GPSM2: variants seen among roughly 807,000 people sequenced by gnomAD.
GPSM2 encodes G protein-signaling modulator 2.
Under a neutral mutation model 78.4 loss-of-function variants are expected in GPSM2, and 58 were observed. The observed-to-expected ratio is 0.74, with a 90% confidence interval of 0.60 to 0.92. The LOEUF (loss-of-function observed/expected upper bound fraction) is 0.92. GPSM2 is among the 40% of genes least tolerant of loss of function. The pLI, the probability that GPSM2 is intolerant of heterozygous loss-of-function variation, is 0.00. For synonymous variants in GPSM2, 224 were observed against 280.2 expected (o/e 0.80, Z 2.00); for missense variants, 700 against 815.5 (o/e 0.86, Z 1.73).
At chr1:108,916,402 G>A (rs1175602060) in intron 11 of GPSM2, among the ~76,000 whole-genome samples, 2 of 152,162 alleles carry the variant, frequency 1.3e-5, no homozygotes, top group Non-Finnish European at 2.9e-5. Context: ...AATTGTGTGA[G>A]AATCATATCC....
intron 11 of GPSM2, among the ~76,000 whole-genome samples, chr1:108,917,305 C>T (rs575981325): frequency 3.9e-5 from 6 of 152,036 alleles, no homozygotes; most frequent in South Asian, 2.1e-4. Context: ...CAGTGGCTCA[C>T]GCCTGTAATC....
rs1652369256 is a variant in GPSM2 at position 108,933,632 on chromosome 1, T to TCAAAACACA, written c.*3692_*3693insCAAAACACA. On this transcript the variant is annotated 3_prime_UTR_variant, in exon 15 of 15. Transcript: ENST00000264126. ...ACATAACTTGTAGTGTGAATATGGT[T>TCAAAACACA]AAAACAAAGGACACCTGATGTCTGT... 1 of 152,246 alleles carries TCAAAACACA rather than the reference T, an allele frequency of 6.6e-6. No individual in the cohort carries two copies. Among genetic ancestry groups the TCAAAACACA allele is most frequent in the Non-Finnish European group, 1.5e-5 (1 of 68,036 alleles). The allele number at this position is 152,246 out of a possible 1,614,324, so 9.4% of individuals were successfully genotyped here.
Position 108,923,954 on chromosome 1 carries a change from GT to G in GPSM2, c.1601-40del, listed in dbSNP as rs368647555. 1.4e-4 allele frequency: 201 copies of G among 1,424,126 alleles called. 1 individual carries two copies. In the African/African-American group the frequency reaches 2.6e-3, roughly 19 times the overall value. 88.2% of individuals were successfully genotyped at this position (1,424,126 alleles called of 1,614,324 possible). On this transcript the variant is annotated intron_variant, in intron 13 of 14. Coordinates refer to ENST00000264126, the MANE Select transcript of GPSM2 (RefSeq NM_013296.5). ...ATGTGCCTAGGTTTTTTTGTTTTTT[GT>G]TTTTTGTTTTTTTTTAATCTTTGGC...
At chr1:108,916,086 A>AG (rs988987484) in intron 11 of GPSM2, among the ~76,000 whole-genome samples, 11 of 151,306 alleles carry the variant, frequency 7.3e-5, no homozygotes, top group Non-Finnish European at 1.3e-4. Context: ...TACAAAAAAA[A>AG]AAAAAAAAGA....
At chr1:108,929,433 C>T (rs1366458402) in intron 14 of GPSM2, 1 of 469,442 alleles carries the variant, frequency 2.1e-6, no homozygotes, top group Non-Finnish European at 3.8e-6. Flanking sequence ...TATGACTTAA[C>T]ATAATGCACG....
rs1650775367 is a variant in GPSM2, at chr1:108,922,348, A to G, written c.1441-69A>G. ...ACCTTTTGCATTTGAATGCATCATG[A>G]TGTTCATTGATGATCTAAAGATAAT... is the stretch of plus-strand genomic sequence containing the variant. On this transcript the variant is annotated intron_variant, in intron 12 of 14. Transcript: ENST00000264126. 6.3e-5 allele frequency: 69 copies of G among 1,102,736 alleles called. No homozygotes were observed. The South Asian group carries it at 8.7e-4, about 14-fold the overall frequency. The allele number at this position is 1,102,736 out of a possible 1,614,324, so 68.3% of individuals were successfully genotyped here.
intron 10 of GPSM2, among the ~76,000 whole-genome samples, chr1:108,910,410 T>C (rs1478309113): frequency 6.6e-6 from 1 of 152,172 alleles, no homozygotes; most frequent in Non-Finnish European, 1.5e-5. Flanking sequence ...ACTGAATAAG[T>C]GGACATACTT....
intron 10 of GPSM2, among the ~76,000 whole-genome samples, 156 bp from the exon 11 acceptor site, chr1:108,914,182 G>C (rs958757694): frequency 1.3e-5 from 2 of 152,154 alleles, no homozygotes; most frequent in Admixed American, 6.6e-5. Context: ...AGCTGGTATA[G>C]AAAATTATTA....
chr1:108,927,069 G>T (rs1369790844), intron 14 of GPSM2, among the ~76,000 whole-genome samples: 2 of 152,038 alleles, frequency 1.3e-5, no homozygotes, highest in African/African-American at 4.8e-5. Context: ...GCATCAAAAA[G>T]AATAAAATAC....
In GPSM2 at chr1:108,934,224, G is replaced by A. The variant is rs565343009; in HGVS notation, c.*4284G>A. ...TGTCAGTCAGACTGATCCTGGTAAC[G>A]ATACTCCATGGCTGCATGAAGATGC... On this transcript the variant is annotated 3_prime_UTR_variant, in exon 15 of 15. Coordinates refer to ENST00000264126, the MANE Select transcript of GPSM2 (RefSeq NM_013296.5). 2 of 160,082 alleles carry A rather than the reference G, an allele frequency of 1.2e-5. No individual in the cohort carries two copies. The highest frequency in any genetic ancestry group is 1.8e-4 in the South Asian group (1 of 5,454). 9.9% of individuals were successfully genotyped at this position (160,082 alleles called of 1,614,324 possible). A position where few individuals can be genotyped will look rare whatever the true frequency, so the allele number is the denominator to read the frequency against.
intron 12 of GPSM2, among the ~76,000 whole-genome samples, chr1:108,919,485 T>C (rs1167246466): frequency 1.3e-5 from 2 of 152,238 alleles, no homozygotes; most frequent in African/African-American, 4.8e-5. Context: ...CATCTACTTG[T>C]ATTAATCACA....
At chr1:108,916,398 G>A (rs1479443933) in intron 11 of GPSM2, among the ~76,000 whole-genome samples, 1 of 152,192 alleles carries the variant, frequency 6.6e-6, no homozygotes, top group African/African-American at 2.4e-5. Context: ...ATCTAATTGT[G>A]TGAGAATCAT....
rs142697559 is a variant in GPSM2, at chr1:108,934,442, A to T, written c.*4502A>T. On this transcript the variant is annotated 3_prime_UTR_variant, in exon 15 of 15. Coordinates refer to ENST00000264126, the MANE Select transcript of GPSM2 (RefSeq NM_013296.5). ...TCTTAAAATAAACACTTCTTACTTT[A>T]TGGGATGTAAATATCAAAGAGAAGA... 11 of 515,316 alleles carry T rather than the reference A, an allele frequency of 2.1e-5. No homozygotes were observed. The East Asian group carries it at 3.3e-4, about 15-fold the overall frequency. 31.9% of individuals were successfully genotyped at this position (515,316 alleles called of 1,614,324 possible). A position where few individuals can be genotyped will look rare whatever the true frequency, so the allele number is the denominator to read the frequency against.
intron 2 of GPSM2, among the ~76,000 whole-genome samples, chr1:108,891,969 T>C (rs1648003636): frequency 6.6e-6 from 1 of 152,218 alleles, no homozygotes; most frequent in Non-Finnish European, 1.5e-5. Context: ...CTTTTCCTTT[T>C]ACATAATAAA....
At chr1:108,903,619 G>A (rs554478264) in intron 9 of GPSM2, among the ~76,000 whole-genome samples, 1 of 152,128 alleles carries the variant, frequency 6.6e-6, no homozygotes, top group Non-Finnish European at 1.5e-5. Flanking sequence ...AACCTTTTCT[G>A]AGCCTCAGTT....
chr1:108,906,470 C>G (rs1649226021), intron 10 of GPSM2, among the ~76,000 whole-genome samples: 1 of 152,028 alleles, frequency 6.6e-6, no homozygotes, highest in Non-Finnish European at 1.5e-5. Context: ...ACCGACAGCT[C>G]CCAGCAGAGT....
chr1:108,920,298 G>T (rs1010980541), intron 12 of GPSM2, among the ~76,000 whole-genome samples: 2 of 152,010 alleles, frequency 1.3e-5, no homozygotes, highest in African/African-American at 4.8e-5. Context: ...GCGAAACCCC[G>T]TATCTACTAA....
intron 1 of GPSM2, among the ~76,000 whole-genome samples, chr1:108,883,446 G>A (rs1220500886): frequency 6.6e-6 from 1 of 152,184 alleles, no homozygotes; most frequent in East Asian, 1.9e-4. Context: ...CTCAAAGTAT[G>A]GAACGATTTT....
At position 108,924,068 on chromosome 1, in the gene GPSM2, C is replaced by T. The variant is rs995472329; in HGVS notation, c.1669C>T (p.Arg557Cys). The part of the protein sequence containing the change: ...FLDLLASSQS[R>C]RLDDQRASFS... ...AGATCTTCTTGCCAGCTCACAGAGT[C>T]GCCGTCTGGATGACCAGAGGGCTAG... is the stretch of plus-strand genomic sequence containing the variant. The change falls in exon 14 of 15, where the codon CGC (arginine) becomes TGC (cysteine). Residue 557 changes from arginine (R) to cysteine (C), a missense_variant. By Grantham distance (180) the Arg-to-Cys change is radical (BLOSUM62 -3). Coordinates refer to ENST00000264126, the MANE Select transcript of GPSM2 (RefSeq NM_013296.5). The T allele has an allele frequency of 8.7e-6, 14 of 1,612,986 alleles. No individual in the cohort carries two copies. In the Middle Eastern group the frequency reaches 4.9e-4, roughly 57 times the overall value.
Sources: gnomAD v4.1 joint callset for allele counts (sites outside exome capture counted in the v4.1 genomes callset) on GRCh38, gnomAD v4.1.1 for gene constraint, MANE v1.5 for transcripts, NCBI Gene and HGNC (gene_info 2026-07-23, HGNC 2026-07-21) for gene names.